DNAAF11: variants seen among roughly 807,000 people sequenced by gnomAD.
DNAAF11 encodes the protein leucine rich repeat containing 6.
A neutral mutation model predicts 60.8 loss-of-function variants in DNAAF11; 45 were observed. The ratio of observed to expected loss-of-function variants is 0.74; its 90% confidence interval spans 0.58 to 0.95. The LOEUF (loss-of-function observed/expected upper bound fraction) is 0.95, where lower values mean the gene tolerates loss of function less well. Ranked by LOEUF, DNAAF11 falls within the 40% of genes least tolerant of loss-of-function variation. The pLI, the probability that DNAAF11 is intolerant of heterozygous loss-of-function variation, is 0.00. For missense variants in DNAAF11, 546 were observed against 546.2 expected (o/e 1.00, Z 0.00); for synonymous variants, 191 against 183.5 (o/e 1.04, Z -0.33).
Position 132,571,139 on chromosome 8 carries a change from T to C in DNAAF11, c.*1167A>G, listed in dbSNP as rs868598904. The stretch of plus-strand genomic sequence containing the variant: ...AGTCTTCCACTGGAAGCCTGTTTAA[T>C]AGAGAAAGGCCCTGTCTGAAAAAGC... On this transcript the variant is annotated 3_prime_UTR_variant, in exon 12 of 12. Transcript: ENST00000620350. Among the ~76,000 whole-genome samples, 1 of 152,170 alleles carries C rather than the reference T, an allele frequency of 6.6e-6. No individual in the cohort carries two copies. The highest frequency in any genetic ancestry group is 1.5e-5 in the Non-Finnish European group (1 of 68,028).
At chr8:132,685,319 A>G in the DNAAF11 span, among the ~76,000 whole-genome samples, 1 of 152,370 alleles carries the variant, frequency 6.6e-6, no homozygotes, top group South Asian at 2.1e-4. Context: ...CACAAAAATT[A>G]AAACCATATC....
rs77971191 is a variant in DNAAF11 at position 132,588,773 on chromosome 8, T to C, written c.1141-4994A>G. 1.0e-2 allele frequency among the ~76,000 whole-genome samples: 1,521 copies of C among 152,206 alleles called. 30 individuals are homozygous for C. Among genetic ancestry groups the C allele is most frequent in the African/African-American group, 0.034 (1,424 of 41,528 alleles). On this transcript the variant is annotated intron_variant, in intron 10 of 11. Transcript: ENST00000620350. The stretch of plus-strand genomic sequence containing the variant: ...AATTGACTCATGGCTCTGCAGACCA[T>C]GTAGGAAACATGGTGGCATCGGCTT...
chr8:132,694,308 A>G, the DNAAF11 span, among the ~76,000 whole-genome samples: 1 of 152,226 alleles, frequency 6.6e-6, no homozygotes. Flanking sequence ...AATGAAATTA[A>G]GGTAAGATCA....
At chr8:132,610,533 CAACATT>C (rs1472033764) in intron 9 of DNAAF11, among the ~76,000 whole-genome samples, 1 of 152,160 alleles carries the variant, frequency 6.6e-6, no homozygotes, top group African/African-American at 2.4e-5. Flanking sequence ...AAAAAACCAT[CAACATT>C]ATTTCCATTT....
chr8:132,594,862 G>A (rs1816825741), intron 10 of DNAAF11, among the ~76,000 whole-genome samples: 1 of 152,132 alleles, frequency 6.6e-6, no homozygotes, highest in South Asian at 2.1e-4. Flanking sequence ...ATAGCAGTGT[G>A]AGAACGGACT....
At chr8:132,626,007 C>A (rs947941605) in intron 5 of DNAAF11, among the ~76,000 whole-genome samples, 1 of 152,058 alleles carries the variant, frequency 6.6e-6, no homozygotes, top group Non-Finnish European at 1.5e-5. Flanking sequence ...TTAAATGATT[C>A]TCTTATCTCC....
chr8:132,691,205 G>A, the DNAAF11 span, among the ~76,000 whole-genome samples: 1 of 149,556 alleles, frequency 6.7e-6, no homozygotes, highest in Non-Finnish European at 1.5e-5. Context: ...ATAGACTCAT[G>A]GATATTTACT....
At chr8:132,652,035 T>G (rs1823067959) in intron 3 of DNAAF11, among the ~76,000 whole-genome samples, 2 of 152,238 alleles carry the variant, frequency 1.3e-5, no homozygotes, top group Non-Finnish European at 1.5e-5. Flanking sequence ...ATCTTAATAG[T>G]CACTGGAATA....
At chr8:132,699,736 T>C in the DNAAF11 span, among the ~76,000 whole-genome samples, 1 of 152,046 alleles carries the variant, frequency 6.6e-6, no homozygotes, top group Non-Finnish European at 1.5e-5. Flanking sequence ...ATGTGTTATA[T>C]CCAAACAGTG....
At chr8:132,648,319 C>T (rs191839190) in intron 3 of DNAAF11, among the ~76,000 whole-genome samples, 127 of 152,200 alleles carry the variant, frequency 8.3e-4, no homozygotes, top group African/African-American at 1.8e-3. Context: ...GCCCTTCATG[C>T]GAAAAACTCT....
intron 5 of DNAAF11, among the ~76,000 whole-genome samples, chr8:132,632,437 G>A (rs988795847): frequency 1.6e-4 from 25 of 151,986 alleles, no homozygotes; most frequent in African/African-American, 5.8e-4. Context: ...TTCCTAGTTC[G>A]TAAATCAAAG....
chr8:132,625,072 T>C (rs1173136929), intron 6 of DNAAF11, among the ~76,000 whole-genome samples, 200 bp downstream of exon 6: 1 of 152,160 alleles, frequency 6.6e-6, no homozygotes, highest in East Asian at 1.9e-4. Flanking sequence ...ATGTCATAAT[T>C]CATGATGTTC....
the DNAAF11 span, among the ~76,000 whole-genome samples, chr8:132,701,743 A>G: frequency 6.6e-6 from 1 of 152,208 alleles, no homozygotes; most frequent in Non-Finnish European, 1.5e-5. Flanking sequence ...GTGGGATGAC[A>G]CTGGTGCAGT....
In DNAAF11 at chr8:132,632,841, C is replaced by T. The variant is rs1231868413; in HGVS notation, c.552G>A (p.Lys184=). The change falls in exon 5 of 12, where the codon AAG becomes AAA. Residue 184 remains lysine (K), a synonymous_variant. Coordinates refer to ENST00000620350, the MANE Select transcript of DNAAF11 (RefSeq NM_012472.6). ...KDHCLKRAKL[K]EEAQRKHQEE... ...CTTGGTGTTTCCTCTGAGCCTCTTC[C>T]TTGAGTTTGGCTCGTTTAAGACAGT... 1 of 1,613,858 alleles carries T rather than the reference C, an allele frequency of 6.2e-7. No individual in the cohort carries two copies. Among genetic ancestry groups the T allele is most frequent in the African/African-American group, 1.3e-5 (1 of 75,026 alleles).
chr8:132,609,419 G>T lies in DNAAF11; in HGVS notation c.1140+747C>A, dbSNP rs1053428403. On this transcript the variant is annotated intron_variant, in intron 10 of 11. Transcript: ENST00000620350. ...TTTTCCTGAATATTTTTGATCCCTG[G>T]TTGGTTGAATCCATGGATGCTGAAC... is the stretch of plus-strand genomic sequence containing the variant. 2.0e-5 allele frequency among the ~76,000 whole-genome samples: 3 copies of T among 151,804 alleles called. No homozygotes were observed. The East Asian group carries it at 5.8e-4, about 29-fold the overall frequency.
In DNAAF11 at chr8:132,579,761, G is replaced by A. The variant is rs1450045053; in HGVS notation, c.1226+3933C>T. Among the ~76,000 whole-genome samples the A allele has an allele frequency of 6.6e-5, 10 of 152,286 alleles. No individual in the cohort carries two copies. The East Asian group carries it at 9.7e-4, about 15-fold the overall frequency. ...TGTAATCCCAACAATTTGGGAGGCT[G>A]CAGCGGGCGGATCACTTGAGGCCAG... is the stretch of plus-strand genomic sequence containing the variant. On this transcript the variant is annotated intron_variant, in intron 11 of 11. Coordinates refer to ENST00000620350, the MANE Select transcript of DNAAF11 (RefSeq NM_012472.6).
At chr8:132,652,680 C>T (rs1007947127) in intron 3 of DNAAF11, among the ~76,000 whole-genome samples, 2 of 152,064 alleles carry the variant, frequency 1.3e-5, no homozygotes, top group Admixed American at 6.6e-5. Flanking sequence ...TCTCAGCAAA[C>T]TAACACAAGA....
At chr8:132,687,763 A>G in the DNAAF11 span, 1 of 448,520 alleles carries the variant, frequency 2.2e-6, no homozygotes, top group Admixed American at 2.4e-5. Flanking sequence ...CATGCTTTCA[A>G]TCACTAAATT....
At chr8:132,674,235 A>G (rs1230596163) in intron 1 of DNAAF11, among the ~76,000 whole-genome samples, 1 of 150,104 alleles carries the variant, frequency 6.7e-6, no homozygotes, top group Non-Finnish European at 1.5e-5. Context: ...GGAGAAGAAG[A>G]AAAAAACCAA....
Sources: gnomAD v4.1 joint callset for allele counts (sites outside exome capture counted in the v4.1 genomes callset) on GRCh38, gnomAD v4.1.1 for gene constraint, MANE v1.5 for transcripts, NCBI Gene and HGNC (gene_info 2026-07-23, HGNC 2026-07-21) for gene names.